The following HOMER1 variants were observed in gnomAD, a reference collection of about 807,000 sequenced individuals.
The protein encoded by HOMER1 is homer scaffold protein 1, also known as homer protein homolog 1.
In HOMER1, 3 loss-of-function variants were observed where a neutral mutation model predicts 48.9. The ratio of observed to expected loss-of-function variants is 0.06; its 90% CI spans 0.03 to 0.16. HOMER1 has a LOEUF of 0.16. Among genes scored for constraint, HOMER1 ranks in the 10% least tolerant of loss-of-function variants. The pLI, the probability that HOMER1 is intolerant of heterozygous loss-of-function variation, is 1.00. For missense variants in HOMER1, 247 were observed against 411.4 expected (o/e 0.60, Z 3.46); for synonymous variants, 134 against 146.4 (o/e 0.92, Z 0.61).
intron 1 of HOMER1, among the ~76,000 whole-genome samples, chr5:79,483,552 CA>C (rs1752005551): frequency 6.6e-6 from 1 of 150,556 alleles, no homozygotes; most frequent in Non-Finnish European, 1.5e-5. Flanking sequence ...CTCAGACATA[CA>C]AAAGCTGAAA....
chr5:79,422,298 T>C (rs1284823897), intron 5 of HOMER1, among the ~76,000 whole-genome samples: 1 of 151,784 alleles, frequency 6.6e-6, no homozygotes, highest in East Asian at 1.9e-4. Flanking sequence ...TTTTCTTAAA[T>C]AAATTAAATG....
intron 5 of HOMER1, 35 bp from the exon 6 acceptor site, chr5:79,402,090 C>T (rs759755248): frequency 6.4e-7 from 1 of 1,565,158 alleles, no homozygotes; most frequent in Non-Finnish European, 8.7e-7. Context: ...CTATCCATTA[C>T]ACCAACTACT....
rs556857144 is a variant in HOMER1, at chr5:79,502,991, C to T, written c.5+9779G>A. Reference sequence around the variant, plus strand: ...ATTTTAAGTAGAGACAGGGTTTCACCGTGTTAGCCAGGACGGTCTTGATCT... The same window carrying T: ...ATTTTAAGTAGAGACAGGGTTTCACTGTGTTAGCCAGGACGGTCTTGATCT... On this transcript the variant is annotated intron_variant, in intron 1 of 8. Transcript: ENST00000334082. Among the ~76,000 whole-genome samples, 39 of 152,112 alleles carry T rather than the reference C, an allele frequency of 2.6e-4. 1 individual carries two copies. The highest frequency in any genetic ancestry group is 1.9e-3 in the East Asian group (10 of 5,132).
intron 5 of HOMER1, among the ~76,000 whole-genome samples, chr5:79,437,839 A>G (rs1580451266): frequency 6.6e-6 from 1 of 152,084 alleles, no homozygotes. Context: ...ACATATTTTT[A>G]GAGACAGGGG....
chr5:79,401,135 T>C (rs532743486), intron 6 of HOMER1, among the ~76,000 whole-genome samples: 2 of 152,112 alleles, frequency 1.3e-5, no homozygotes, highest in South Asian at 2.1e-4. Flanking sequence ...TACTTGTATT[T>C]TTCAAATTGT....
intron 5 of HOMER1, among the ~76,000 whole-genome samples, chr5:79,436,991 C>T (rs1262794791): frequency 6.6e-6 from 1 of 152,122 alleles, no homozygotes; most frequent in Non-Finnish European, 1.5e-5. Context: ...AGAACTCTGT[C>T]AAGTATCTCC....
chr5:79,377,335 C>T (rs997797192), intron 8 of HOMER1, among the ~76,000 whole-genome samples: 3 of 152,036 alleles, frequency 2.0e-5, no homozygotes, highest in African/African-American at 4.8e-5. Flanking sequence ...AATAAAATGA[C>T]ATAAATCAAG....
chr5:79,410,354 G>C (rs1749784071), intron 5 of HOMER1, among the ~76,000 whole-genome samples: 1 of 152,002 alleles, frequency 6.6e-6, no homozygotes, highest in South Asian at 2.1e-4. Context: ...AGCTAGGCAT[G>C]GTGGCGCATG....
intron 4 of HOMER1, among the ~76,000 whole-genome samples, chr5:79,443,131 C>A (rs1750781137): frequency 6.6e-6 from 1 of 152,028 alleles, no homozygotes; most frequent in Non-Finnish European, 1.5e-5. Context: ...CCTGTTTATG[C>A]CAATTCTATT....
chr5:79,426,620 G>C (rs1234358370), intron 5 of HOMER1, among the ~76,000 whole-genome samples: 3 of 152,144 alleles, frequency 2.0e-5, no homozygotes, highest in Non-Finnish European at 2.9e-5. Context: ...GTAGAGAATA[G>C]AATGGCTACC....
chr5:79,449,970 T>C (rs578183774), intron 3 of HOMER1, among the ~76,000 whole-genome samples: 27 of 152,290 alleles, frequency 1.8e-4, no homozygotes, highest in African/African-American at 6.3e-4. Flanking sequence ...AAGTGTAAGA[T>C]TTCTAAAAAG....
At chr5:79,383,521 G>C (rs1054654898) in intron 8 of HOMER1, among the ~76,000 whole-genome samples, 10 of 151,888 alleles carry the variant, frequency 6.6e-5, no homozygotes, top group African/African-American at 2.4e-4. Flanking sequence ...GAGTAGCTGG[G>C]GCTACAGGTG....
At chr5:79,394,007 T>C (rs1358053034) in intron 8 of HOMER1, among the ~76,000 whole-genome samples, 1 of 152,220 alleles carries the variant, frequency 6.6e-6, no homozygotes, top group Non-Finnish European at 1.5e-5. Flanking sequence ...TATGGAATTA[T>C]GATTTTATAC....
intron 5 of HOMER1, among the ~76,000 whole-genome samples, chr5:79,434,572 A>C (rs544203536): frequency 2.4e-3 from 359 of 152,286 alleles, no homozygotes; most frequent in African/African-American, 8.3e-3. Flanking sequence ...AAATGTTTTT[A>C]GAAAGAAATA....
intron 8 of HOMER1, among the ~76,000 whole-genome samples, chr5:79,378,350 A>G (rs546248633): frequency 3.3e-4 from 50 of 151,342 alleles, no homozygotes; most frequent in African/African-American, 1.2e-3. Context: ...CTGGGAAAAT[A>G]TAAGAAAGGA....
chr5:79,456,008 A>T (rs1751166359), intron 2 of HOMER1, among the ~76,000 whole-genome samples: 1 of 152,038 alleles, frequency 6.6e-6, no homozygotes, highest in African/African-American at 2.4e-5. Context: ...TACAAAAATT[A>T]TCCAGGCATG....
intron 4 of HOMER1, among the ~76,000 whole-genome samples, chr5:79,445,462 T>C (rs1750849711): frequency 6.6e-6 from 1 of 152,230 alleles, no homozygotes. Flanking sequence ...AACTATTTAA[T>C]CAACTTTACT....
At chr5:79,402,168 CTTT>C (rs1296790356) in intron 5 of HOMER1, 113 bp from the exon 6 acceptor site, 2,093 of 652,270 alleles carry the variant, frequency 3.2e-3, no homozygotes, top group Middle Eastern at 6.2e-3. Flanking sequence ...GTTTTCTTTT[CTTT>C]TTTTTTTTTT....
At chr5:79,390,841 G>A (rs147575958) in intron 8 of HOMER1, among the ~76,000 whole-genome samples, 35 of 152,152 alleles carry the variant, frequency 2.3e-4, no homozygotes, top group African/African-American at 8.4e-4. Flanking sequence ...TCATACAGCT[G>A]TTGTATGAAA....
Sources: allele counts gnomAD v4.1 joint callset (sites outside exome capture counted in the v4.1 genomes callset), GRCh38; gene constraint gnomAD v4.1.1; transcripts MANE v1.5; gene names NCBI Gene and HGNC (gene_info 2026-07-23, HGNC 2026-07-21).